Variants in CYP4F3 observed in about 807,000 individuals in gnomAD.
CYP4F3 encodes the protein cytochrome P450 4F3.
CYP4F3 carries 50 observed loss-of-function variants against 54.8 expected under a neutral mutation model. The observed-to-expected ratio is 0.91, with a 90% CI of 0.73 to 1.16. The LOEUF (loss-of-function observed/expected upper bound fraction) is 1.16. CYP4F3 is among the 50% of genes most tolerant of loss of function. The pLI, the probability that CYP4F3 is intolerant of heterozygous loss-of-function variation, is 0.00. For missense variants in CYP4F3, 715 were observed against 676.2 expected (o/e 1.06, Z -0.64); for synonymous variants, 244 against 262.6 (o/e 0.93, Z 0.69).
At chr19:15,642,681 C>A (rs1972499500) in intron 2 of CYP4F3, among the ~76,000 whole-genome samples, 1 of 152,182 alleles carries the variant, frequency 6.6e-6, no homozygotes, top group Admixed American at 6.5e-5. Flanking sequence ...TTGGGATGCG[C>A]TCTTGGGACT....
chr19:15,641,178 C>T (rs1268222662), intron 1 of CYP4F3: 1 of 534,012 alleles, frequency 1.9e-6, no homozygotes, highest in Non-Finnish European at 3.3e-6. Context: ...GGACTTTAAT[C>T]AGTTTCTCTG....
chr19:15,647,556 C>T (rs772377339), intron 5 of CYP4F3, among the ~76,000 whole-genome samples: 50 of 152,154 alleles, frequency 3.3e-4, no homozygotes, highest in Non-Finnish European at 5.1e-4. Flanking sequence ...TCTATGTTCG[C>T]GTCACCCGAA....
chr19:15,659,457 C>T lies in CYP4F3; in HGVS notation c.*72C>T. On this transcript the variant is annotated 3_prime_UTR_variant, in exon 13 of 13. Coordinates refer to ENST00000221307, the MANE Select transcript of CYP4F3 (RefSeq NM_000896.3). ...ATCAAAAGTGAGGCCTAGAATTACC[C>T]TAAGACCCTGTTCCACAGTCCTGTA... 2 of 1,564,052 alleles carry T rather than the reference C, an allele frequency of 1.3e-6. No individual in the cohort carries two copies. The highest frequency in any genetic ancestry group is 8.7e-7 in the Non-Finnish European group (1 of 1,154,140).
chr19:15,657,850 G>A (rs975912811), intron 9 of CYP4F3, among the ~76,000 whole-genome samples: 1 of 152,190 alleles, frequency 6.6e-6, no homozygotes, highest in South Asian at 2.1e-4. Flanking sequence ...TTTTAAGAAT[G>A]TGTATTAAGA....
At chr19:15,644,841 G>A (rs113525297) in intron 2 of CYP4F3, among the ~76,000 whole-genome samples, 2 of 152,322 alleles carry the variant, frequency 1.3e-5, no homozygotes, top group African/African-American at 4.8e-5. Flanking sequence ...AGAGACCATG[G>A]CTCTGGCCTC....
At chr19:15,646,800 G>A (rs554769385) in intron 3 of CYP4F3, among the ~76,000 whole-genome samples, 1 of 152,282 alleles carries the variant, frequency 6.6e-6, no homozygotes, top group South Asian at 2.1e-4. Flanking sequence ...GGCATGTCAA[G>A]GCATGCTGGA....
In CYP4F3 at chr19:15,641,438, C is replaced by A; in HGVS notation, c.23C>A (p.Ser8Ter). ...AGGATGCCACAGCTGAGCCTGTCCT[C>A]GCTGGGCCTTTGGCCAATGGCAGCA... MPQLSLS[S>*]LGLWPMAASP... Residue 8 changes from serine to a stop codon, truncating the protein, a stop_gained, in exon 2 of 13, where the codon TCG (serine) becomes TAG (stop). Coordinates refer to ENST00000221307, the MANE Select transcript of CYP4F3 (RefSeq NM_000896.3). LOFTEE classifies it high-confidence loss of function. 1 of 1,614,192 alleles carries A rather than the reference C, an allele frequency of 6.2e-7. No individual in the cohort carries two copies. The highest frequency in any genetic ancestry group is 8.5e-7 in the Non-Finnish European group (1 of 1,180,046).
intron 9 of CYP4F3, among the ~76,000 whole-genome samples, chr19:15,657,696 T>C (rs1171866315): frequency 2.0e-5 from 3 of 152,146 alleles, no homozygotes; most frequent in Non-Finnish European, 4.4e-5. Flanking sequence ...AATTTTCATA[T>C]TTCTTCTTTT....
intron 5 of CYP4F3, among the ~76,000 whole-genome samples, chr19:15,648,784 C>A (rs1297148590): frequency 6.6e-6 from 1 of 152,184 alleles, no homozygotes; most frequent in Non-Finnish European, 1.5e-5. Flanking sequence ...CAAGTTCACC[C>A]AGCTAATGAG....
chr19:15,659,598 C>T lies in CYP4F3; in HGVS notation c.*213C>T, dbSNP rs1464415683. On this transcript the variant is annotated 3_prime_UTR_variant, in exon 13 of 13. Transcript: ENST00000221307. ...AGTAGCCAAACGATGAAAACAACCC[C>T]AAGCTATATATTACCAGATGAAAGG... The T allele has an allele frequency of 6.1e-6, 5 of 823,740 alleles. No homozygotes were observed. The highest frequency in any genetic ancestry group is 9.2e-6 in the Non-Finnish European group (5 of 544,994). The allele number at this position is 823,740 out of a possible 1,614,324, so 51.0% of individuals were successfully genotyped here. A position where few individuals can be genotyped will look rare whatever the true frequency, so the allele number is the denominator to read the frequency against.
chr19:15,650,645 C>T (rs1211693834), intron 7 of CYP4F3, among the ~76,000 whole-genome samples: 1 of 121,888 alleles, frequency 8.2e-6, no homozygotes, highest in Non-Finnish European at 1.7e-5. Flanking sequence ...TGCTCTCCCT[C>T]CCTCCCTGCC....
Position 15,650,815 on chromosome 19 carries a change from T to TC in CYP4F3, c.918+632_918+633insC, listed in dbSNP as rs1491132490. 1.4e-3 allele frequency among the ~76,000 whole-genome samples: 58 copies of TC among 41,732 alleles called. 12 individuals carry two copies. The highest frequency in any genetic ancestry group is 2.0e-3 in the East Asian group (2 of 998). 27.4% of individuals were successfully genotyped at this position (41,732 alleles called of 152,430 possible). A position where few individuals can be genotyped will look rare whatever the true frequency, so the allele number is the denominator to read the frequency against. On this transcript the variant is annotated intron_variant, in intron 7 of 12. Coordinates refer to ENST00000221307, the MANE Select transcript of CYP4F3 (RefSeq NM_000896.3). ...TCTTTCTTTCTCTCTCTTCTCTTTC[T>TC]TTCTTTCTTTCTTTCTTTCTTTCTT...
intron 9 of CYP4F3, among the ~76,000 whole-genome samples, chr19:15,655,344 T>A (rs182119976): frequency 6.6e-6 from 1 of 152,324 alleles, no homozygotes; most frequent in Admixed American, 6.5e-5. Context: ...CTTTGTTGAT[T>A]GTTTCCTTTG....
At chr19:15,643,987 C>A (rs759778972) in intron 2 of CYP4F3, 8 of 1,605,622 alleles carry the variant, frequency 5.0e-6, no homozygotes, top group Non-Finnish European at 6.8e-6. Context: ...TCTGGATGGG[C>A]CCCATCTTCC....
intron 1 of CYP4F3, 153 bp from the exon 2 acceptor site, chr19:15,641,262 C>T: frequency 2.0e-6 from 2 of 984,422 alleles, no homozygotes; most frequent in South Asian, 1.7e-5. Context: ...CCTTTCTGGA[C>T]TTTACCCCTC....
intron 9 of CYP4F3, among the ~76,000 whole-genome samples, chr19:15,655,902 T>C (rs1444586192): frequency 6.6e-6 from 1 of 152,242 alleles, no homozygotes; most frequent in Non-Finnish European, 1.5e-5. Context: ...CATCACTTCA[T>C]GTGTTTATCA....
chr19:15,650,738 T>TCTTTCTTTCTCTTTCTTTCTTTCTTTTCC (rs1972798425), intron 7 of CYP4F3, among the ~76,000 whole-genome samples: 1 of 46,000 alleles, frequency 2.2e-5, no homozygotes, highest in African/African-American at 1.6e-4. Flanking sequence ...CTTTCTTTCT[T>TCTTTCTTTCTCTTTCTTTCTTTCTTTTCC]TTCCTTCCTT....
At position 15,662,598 on chromosome 19, in the gene CYP4F3, T is replaced by A. The variant is rs530569241; in HGVS notation, c.*3213T>A. On this transcript the variant is annotated 3_prime_UTR_variant, in exon 13 of 13. Coordinates refer to ENST00000221307, the MANE Select transcript of CYP4F3 (RefSeq NM_000896.3). ...ACAAATAGTCCTGATAGGGTTTGAA[T>A]TGGGATTTCTGTGAATCTATAGATC... 1 of 152,350 alleles carries A rather than the reference T, an allele frequency of 6.6e-6. No homozygotes were observed. The highest frequency in any genetic ancestry group is 1.9e-4 in the East Asian group (1 of 5,194). The allele number at this position is 152,350 out of a possible 1,614,324, so 9.4% of individuals were successfully genotyped here.
Position 15,652,648 on chromosome 19 carries a change from G to A in CYP4F3, c.985+13G>A, listed in dbSNP as rs773519059. On this transcript the variant is annotated intron_variant, in intron 8 of 12. Transcript: ENST00000221307. The stretch of plus-strand genomic sequence containing the variant: ...TTTATGTTTGAGGGTGAGGGCCCCA[G>A]TGTGGGGCTAGAGTGGGGACTTGGA... The A allele has an allele frequency of 2.5e-6, 4 of 1,614,062 alleles. No homozygotes were observed. The highest frequency in any genetic ancestry group is 3.4e-6 in the Non-Finnish European group (4 of 1,180,022).
Sources: allele counts gnomAD v4.1 joint callset (sites outside exome capture counted in the v4.1 genomes callset), GRCh38; gene constraint gnomAD v4.1.1; transcripts MANE v1.5; gene names NCBI Gene and HGNC (gene_info 2026-07-23, HGNC 2026-07-21).